RHOBTB1: variants seen among roughly 807,000 people sequenced by gnomAD.
The protein encoded by RHOBTB1 is rho-related BTB domain-containing protein 1.
In RHOBTB1, 40 loss-of-function variants were observed where a neutral mutation model predicts 71.6. The ratio of observed to expected loss-of-function variants is 0.56; its 90% CI spans 0.43 to 0.73. RHOBTB1 has a LOEUF of 0.73. Among genes scored for constraint, RHOBTB1 ranks in the 30% least tolerant of loss-of-function variants. The probability of loss-of-function intolerance (pLI) is 0.00; values close to 1 mark genes in which losing one functional copy is unlikely to be tolerated. For synonymous variants in RHOBTB1, 319 were observed against 334.9 expected (o/e 0.95, Z 0.52); for missense variants, 797 against 894.0 (o/e 0.89, Z 1.38).
chr10:60,906,813 A>C (rs886754031), intron 4 of RHOBTB1, among the ~76,000 whole-genome samples: 85 of 152,226 alleles, frequency 5.6e-4, no homozygotes, highest in African/African-American at 1.8e-3. Flanking sequence ...GAAAAAAAAA[A>C]CAATAAAATC....
chr10:60,876,853 T>C (rs572863321), intron 8 of RHOBTB1, among the ~76,000 whole-genome samples: 1 of 152,342 alleles, frequency 6.6e-6, no homozygotes, highest in South Asian at 2.1e-4. Context: ...AATCTTTTAT[T>C]TTTTCTAAAG....
At chr10:61,000,279 C>A (rs1017601759) in intron 1 of RHOBTB1, among the ~76,000 whole-genome samples, 2 of 152,132 alleles carry the variant, frequency 1.3e-5, no homozygotes, top group African/African-American at 2.4e-5. Flanking sequence ...ATTTTTGATA[C>A]CTACTTCTTC....
intron 2 of RHOBTB1, among the ~76,000 whole-genome samples, chr10:60,970,280 T>C (rs12766835): frequency 1.3e-5 from 2 of 152,076 alleles, no homozygotes; most frequent in Non-Finnish European, 2.9e-5. Context: ...TTGAGTACAG[T>C]GGGGCTTAGG....
intron 5 of RHOBTB1, among the ~76,000 whole-genome samples, chr10:60,889,519 A>G (rs1274363049): frequency 2.0e-5 from 3 of 152,144 alleles, no homozygotes; most frequent in East Asian, 1.9e-4. Context: ...AATAAAATTG[A>G]TTTTTGTGTA....
intron 5 of RHOBTB1, among the ~76,000 whole-genome samples, chr10:60,889,696 A>T (rs2081817117): frequency 6.6e-6 from 1 of 152,206 alleles, no homozygotes; most frequent in Non-Finnish European, 1.5e-5. Context: ...CTGAAGGATC[A>T]TCACTTTACT....
intron 4 of RHOBTB1, among the ~76,000 whole-genome samples, chr10:60,899,715 G>C (rs576372559): frequency 2.0e-5 from 3 of 152,284 alleles, no homozygotes; most frequent in African/African-American, 7.2e-5. Context: ...AGACATTGGG[G>C]ATAGAGTGAT....
chr10:60,925,767 A>G (rs1294439326), intron 2 of RHOBTB1, among the ~76,000 whole-genome samples: 2 of 152,236 alleles, frequency 1.3e-5, no homozygotes, highest in African/African-American at 4.8e-5. Context: ...ATCATTAGAG[A>G]CCATTATGTA....
upstream of RHOBTB1, among the ~76,000 whole-genome samples, chr10:60,945,582 C>T (rs951853555): frequency 6.6e-6 from 1 of 152,316 alleles, no homozygotes; most frequent in Admixed American, 6.5e-5. Flanking sequence ...TCCCAGGTGA[C>T]TTCCAGTCCA....
intron 4 of RHOBTB1, 24 bp downstream of exon 4, chr10:60,910,863 C>T: frequency 1.9e-6 from 3 of 1,562,212 alleles, no homozygotes; most frequent in Non-Finnish European, 2.6e-6. Flanking sequence ...CAAGCTCAAC[C>T]ACGCTGTACT....
intron 2 of RHOBTB1, among the ~76,000 whole-genome samples, chr10:60,918,117 A>G (rs546024497): frequency 6.6e-6 from 1 of 152,320 alleles, no homozygotes; most frequent in South Asian, 2.1e-4. Context: ...TTTGTGGGGC[A>G]TAGCTATTTG....
intron 7 of RHOBTB1, among the ~76,000 whole-genome samples, chr10:60,882,055 G>A (rs147421925): frequency 0.012 from 1,865 of 152,090 alleles, 44 homozygotes; most frequent in Admixed American, 0.04. Flanking sequence ...AAAAAAGCCC[G>A]TTTCTGTGAT....
At chr10:60,927,258 G>T (rs1011495528) in intron 2 of RHOBTB1, among the ~76,000 whole-genome samples, 22 of 152,178 alleles carry the variant, frequency 1.4e-4, no homozygotes, top group African/African-American at 5.1e-4. Context: ...GATCGATATT[G>T]TTACAATGCC....
intron 2 of RHOBTB1, among the ~76,000 whole-genome samples, chr10:60,961,749 A>G (rs2134528539): frequency 6.6e-6 from 1 of 150,840 alleles, no homozygotes; most frequent in Middle Eastern, 3.5e-3. Context: ...AAGATAAGTT[A>G]TTTTTCTATG....
chr10:60,864,871 G>T (rs1287454303), downstream of RHOBTB1, among the ~76,000 whole-genome samples: 3 of 151,954 alleles, frequency 2.0e-5, no homozygotes. Flanking sequence ...TTGTACTTTT[G>T]CTAGAGATGG....
chr10:60,876,970 G>A (rs1391540059), intron 8 of RHOBTB1: 1 of 152,178 alleles, frequency 6.6e-6, no homozygotes, highest in Non-Finnish European at 1.5e-5. Context: ...AATATGCTCA[G>A]GCACTCAGAA....
At chr10:60,923,949 T>C (rs550329387) in intron 2 of RHOBTB1, among the ~76,000 whole-genome samples, 1 of 152,130 alleles carries the variant, frequency 6.6e-6, no homozygotes, top group Non-Finnish European at 1.5e-5. Context: ...TTATCAGCCA[T>C]GTGAAAATGG....
chr10:60,933,127 A>G (rs1198534815), intron 2 of RHOBTB1, among the ~76,000 whole-genome samples: 1 of 152,230 alleles, frequency 6.6e-6, no homozygotes, highest in African/African-American at 2.4e-5. Flanking sequence ...AATTAACCAG[A>G]CTTCTTAAGA....
Position 60,886,193 on chromosome 10 carries a change from G to C in RHOBTB1, c.1494C>G (p.Ala498=), listed in dbSNP as rs764284344. 8.1e-6 allele frequency: 13 copies of C among 1,613,930 alleles called. No individual in the cohort carries two copies. In the Admixed American group the frequency reaches 1.8e-4, roughly 23 times the overall value. The part of the protein sequence containing the change: ...TFKLDDGAIS[A]HKPLLICSCE... ...AGCTACAGATCAGCAGCGGCTTGTG[G>C]GCACTGATGGCTCCATCGTCCAATT... The change falls in exon 7 of 11, where the codon GCC becomes GCG. Residue 498 remains alanine, a synonymous_variant. Coordinates refer to ENST00000337910, the MANE Select transcript of RHOBTB1 (RefSeq NM_014836.5).
At chr10:60,920,792 C>CT (rs1439090609) in intron 2 of RHOBTB1, among the ~76,000 whole-genome samples, 1 of 151,738 alleles carries the variant, frequency 6.6e-6, no homozygotes, top group East Asian at 1.9e-4. Context: ...GTAGCTGGGA[C>CT]TACAGGCATG....
Sources: allele counts gnomAD v4.1 joint callset (sites outside exome capture counted in the v4.1 genomes callset), GRCh38; gene constraint gnomAD v4.1.1; transcripts MANE v1.5; gene names NCBI Gene and HGNC (gene_info 2026-07-23, HGNC 2026-07-21).